Variants in RORA observed in about 807,000 individuals in gnomAD.
The protein encoded by RORA is nuclear receptor ROR-alpha.
RORA carries 7 observed loss-of-function variants against 69.5 expected under a neutral mutation model. The ratio of observed to expected loss-of-function variants is 0.10; its 90% CI spans 0.06 to 0.19. RORA has a LOEUF of 0.19. RORA is among the 10% of genes least tolerant of loss of function. The pLI, the probability that RORA is intolerant of heterozygous loss-of-function variation, is 1.00. For missense variants in RORA, 457 were observed against 663.0 expected (o/e 0.69, Z 3.41); for synonymous variants, 261 against 240.8 (o/e 1.08, Z -0.78).
chr15:60,596,640 C>G (rs1477402414), intron 2 of RORA, among the ~76,000 whole-genome samples: 1 of 152,060 alleles, frequency 6.6e-6, no homozygotes, highest in Admixed American at 6.6e-5. Flanking sequence ...GGAACACTTA[C>G]AAATGGAGTA....
rs111540234 is a variant in RORA, at chr15:60,801,793, T to C, written c.167-123107A>G. On this transcript the variant is annotated intron_variant, in intron 1 of 10. Coordinates refer to ENST00000335670, the MANE Select transcript of RORA (RefSeq NM_134261.3). ...AGCTTACAGAAGTCTCCTAAGAGGATGCAAGCAGGCTTGTGTGGAATAATC... is the reference window on the plus strand; with the variant it reads ...AGCTTACAGAAGTCTCCTAAGAGGACGCAAGCAGGCTTGTGTGGAATAATC... Among the ~76,000 whole-genome samples the C allele has an allele frequency of 9.3e-4, 142 of 152,340 alleles. 1 individual carries two copies. Among genetic ancestry groups the C allele is most frequent in the African/African-American group, 3.3e-3 (138 of 41,582 alleles).
chr15:61,113,011 G>T (rs2079020937), intron 1 of RORA, among the ~76,000 whole-genome samples: 1 of 152,226 alleles, frequency 6.6e-6, no homozygotes, highest in African/African-American at 2.4e-5. Flanking sequence ...TGAATGGGCA[G>T]GTAAACAGAA....
chr15:61,058,640 G>C (rs972860196), intron 1 of RORA, among the ~76,000 whole-genome samples: 8 of 152,174 alleles, frequency 5.3e-5, no homozygotes, highest in African/African-American at 1.9e-4. Flanking sequence ...CCTTTGTGCT[G>C]GAGTGAGAAG....
intron 1 of RORA, among the ~76,000 whole-genome samples, chr15:61,133,917 C>A (rs1031399745): frequency 6.6e-6 from 1 of 152,166 alleles, no homozygotes; most frequent in Admixed American, 6.5e-5. Context: ...CACAGGAAGG[C>A]AAAGGCTCAT....
In RORA at chr15:60,989,243, C is replaced by T. The variant is rs747779660; in HGVS notation, c.166+239810G>A. ...CCCCATCCCCTTCTCCTCTCATGTC[C>T]TCTTAATGACTAATCTGCTTTTTGT... is the stretch of plus-strand genomic sequence containing the variant. On this transcript the variant is annotated intron_variant, in intron 1 of 10. Coordinates refer to ENST00000335670, the MANE Select transcript of RORA (RefSeq NM_134261.3). 2.8e-4 allele frequency among the ~76,000 whole-genome samples: 42 copies of T among 152,182 alleles called. 1 individual carries two copies. The highest frequency in any genetic ancestry group is 5.2e-4 in the Admixed American group (8 of 15,276).
chr15:60,914,974 A>G (rs1399695441), intron 1 of RORA, among the ~76,000 whole-genome samples: 1 of 152,210 alleles, frequency 6.6e-6, no homozygotes, highest in East Asian at 1.9e-4. Flanking sequence ...CGGTACTCAC[A>G]AGAAATCCTA....
At chr15:60,877,780 T>C (rs1361337576) in intron 1 of RORA, among the ~76,000 whole-genome samples, 1 of 152,094 alleles carries the variant, frequency 6.6e-6, no homozygotes, top group Non-Finnish European at 1.5e-5. Context: ...GTCAAAGCAA[T>C]AAAAGAAAGA....
At chr15:60,503,795 A>G (rs1455524734) in intron 6 of RORA, 128 bp from the exon 7 acceptor site, 48 of 1,062,134 alleles carry the variant, frequency 4.5e-5, no homozygotes, top group Non-Finnish European at 6.4e-5. Context: ...GCAAAGTGGG[A>G]TCTTATTTTA....
chr15:61,117,715 A>G (rs1376307039), intron 1 of RORA, among the ~76,000 whole-genome samples: 1 of 152,244 alleles, frequency 6.6e-6, no homozygotes, highest in Non-Finnish European at 1.5e-5. Flanking sequence ...TGCATCAATA[A>G]TTTCAGATTA....
intron 1 of RORA, among the ~76,000 whole-genome samples, chr15:61,219,581 T>A (rs1985175): frequency 0.15 from 22,615 of 147,858 alleles, 1,722 homozygotes; most frequent in East Asian, 0.19. Flanking sequence ...TCTCAAAATT[T>A]AAAAAAAAAA....
At chr15:60,572,613 A>T (rs2067915607) in intron 2 of RORA, among the ~76,000 whole-genome samples, 1 of 152,214 alleles carries the variant, frequency 6.6e-6, no homozygotes, top group Non-Finnish European at 1.5e-5. Context: ...GCGCTTATTG[A>T]TGGGCCAACC....
chr15:61,046,020 C>T (rs1031433817), intron 1 of RORA, among the ~76,000 whole-genome samples: 5 of 152,012 alleles, frequency 3.3e-5, no homozygotes, highest in East Asian at 1.9e-4. Flanking sequence ...GCTGGAAGGT[C>T]GGTGGGGAGC....
intron 2 of RORA, among the ~76,000 whole-genome samples, chr15:60,667,609 G>A (rs1287516072): frequency 2.0e-5 from 3 of 151,930 alleles, no homozygotes; most frequent in Non-Finnish European, 1.5e-5. Flanking sequence ...AGTATAGTTC[G>A]TTTTTTGTTT....
At chr15:60,589,334 G>A (rs1036692548) in intron 2 of RORA, among the ~76,000 whole-genome samples, 3 of 152,220 alleles carry the variant, frequency 2.0e-5, no homozygotes, top group African/African-American at 7.2e-5. Flanking sequence ...CAGGCCGGAC[G>A]AAGAATCTAC....
rs867861895 is a variant in RORA at position 60,650,452 on chromosome 15, G to T, written c.196+28205C>A. On this transcript the variant is annotated intron_variant, in intron 2 of 10. Transcript: ENST00000335670. ...GGCCTGAAAATCCCACCCCCAGAGTGGGGGAGGGGAAAGCACGATGGTTCA... is the reference window on the plus strand; with the variant it reads ...GGCCTGAAAATCCCACCCCCAGAGTTGGGGAGGGGAAAGCACGATGGTTCA... Among the ~76,000 whole-genome samples, 11 of 152,302 alleles carry T rather than the reference G, an allele frequency of 7.2e-5. No individual in the cohort carries two copies. The South Asian group carries it at 1.9e-3, about 26-fold the overall frequency.
At chr15:60,790,981 C>A (rs991739410) in intron 1 of RORA, among the ~76,000 whole-genome samples, 1 of 152,110 alleles carries the variant, frequency 6.6e-6, no homozygotes, top group East Asian at 1.9e-4. Flanking sequence ...ATTGCCCCCC[C>A]AAAAAGCTTC....
chr15:61,047,004 G>C (rs989185161), intron 1 of RORA, among the ~76,000 whole-genome samples: 12 of 152,228 alleles, frequency 7.9e-5, no homozygotes, highest in Non-Finnish European at 1.6e-4. Context: ...CTCAACCGCT[G>C]AGGCAGCTCT....
At chr15:60,505,883 C>G (rs963306529) in intron 5 of RORA, among the ~76,000 whole-genome samples, 3 of 152,158 alleles carry the variant, frequency 2.0e-5, no homozygotes. Context: ...TGCCCTTGTT[C>G]TGTGCCTTTA....
chr15:61,161,751 T>A (rs200986487), intron 1 of RORA, among the ~76,000 whole-genome samples: 1 of 152,170 alleles, frequency 6.6e-6, no homozygotes, highest in East Asian at 1.9e-4. Flanking sequence ...CAATTTCTTC[T>A]CATAGCCAAT....
Sources: gnomAD v4.1 joint callset for allele counts (sites outside exome capture counted in the v4.1 genomes callset) on GRCh38, gnomAD v4.1.1 for gene constraint, MANE v1.5 for transcripts, NCBI Gene and HGNC (gene_info 2026-07-23, HGNC 2026-07-21) for gene names.